IRAG1: variants seen among roughly 807,000 people sequenced by gnomAD.
IRAG1 encodes IP3R-associated cGMP kinase substrate.
Under a neutral mutation model 106.2 loss-of-function variants are expected in IRAG1, and 62 were observed. That is an observed-to-expected ratio of 0.58 (90% CI 0.48 to 0.72). The LOEUF (loss-of-function observed/expected upper bound fraction) is 0.72, where lower values mean the gene tolerates loss of function less well. IRAG1 is among the 30% of genes least tolerant of loss of function. The pLI is 0.00. For missense variants in IRAG1, 1,064 were observed against 1,140.7 expected (o/e 0.93, Z 0.97); for synonymous variants, 462 against 443.9 (o/e 1.04, Z -0.51).
chr11:10,582,901 G>T (rs559465413), intron 18 of IRAG1, among the ~76,000 whole-genome samples: 1 of 152,348 alleles, frequency 6.6e-6, no homozygotes, highest in East Asian at 1.9e-4. Context: ...GTTGCAGTGA[G>T]CTGAGATCGC....
At chr11:10,608,571 T>C (rs1284356643) in intron 11 of IRAG1, among the ~76,000 whole-genome samples, 1 of 152,172 alleles carries the variant, frequency 6.6e-6, no homozygotes, top group African/African-American at 2.4e-5. Flanking sequence ...TGGGCATAGG[T>C]ACCCGGGGGC....
chr11:10,661,167 T>C (rs747506278), intron 1 of IRAG1, among the ~76,000 whole-genome samples: 7 of 152,204 alleles, frequency 4.6e-5, no homozygotes, highest in African/African-American at 7.2e-5. Flanking sequence ...GTACACCTTA[T>C]GCCCCAACCA....
At chr11:10,594,321 G>T in intron 15 of IRAG1, 126 bp from the exon 16 acceptor site, 1 of 799,184 alleles carries the variant, frequency 1.3e-6, no homozygotes, top group Middle Eastern at 2.5e-4. Flanking sequence ...CCAAGGGTCT[G>T]GGTGTTGGGG....
At chr11:10,690,922 C>T (rs1249221923) in intron 1 of IRAG1, among the ~76,000 whole-genome samples, 1 of 152,212 alleles carries the variant, frequency 6.6e-6, no homozygotes, top group Non-Finnish European at 1.5e-5. Context: ...CCCCAAGGGG[C>T]AGGGGCAGGG....
intron 18 of IRAG1, among the ~76,000 whole-genome samples, chr11:10,582,766 G>A (rs1436717897): frequency 2.6e-5 from 4 of 152,158 alleles, no homozygotes; most frequent in African/African-American, 9.7e-5. Context: ...GACCAGCCTG[G>A]CCAACATGGT....
At chr11:10,681,313 C>T (rs780484069) in intron 1 of IRAG1, among the ~76,000 whole-genome samples, 22 of 152,306 alleles carry the variant, frequency 1.4e-4, no homozygotes, top group African/African-American at 2.4e-4. Flanking sequence ...AAATGTCTAA[C>T]GCATGAGTCA....
intron 1 of IRAG1, among the ~76,000 whole-genome samples, chr11:10,683,788 C>T (rs887575181): frequency 2.0e-5 from 3 of 151,766 alleles, no homozygotes; most frequent in Non-Finnish European, 4.4e-5. Flanking sequence ...TCACTAGCTT[C>T]TGGTAATACG....
At chr11:10,627,486 G>A (rs540524943) in intron 8 of IRAG1, among the ~76,000 whole-genome samples, 42 of 152,250 alleles carry the variant, frequency 2.8e-4, no homozygotes, top group African/African-American at 9.6e-4. Context: ...TCAGCGCTGT[G>A]AGTATTGCCT....
intron 2 of IRAG1, among the ~76,000 whole-genome samples, chr11:10,639,644 C>T (rs900346077): frequency 1.3e-5 from 2 of 152,190 alleles, no homozygotes; most frequent in Non-Finnish European, 2.9e-5. Flanking sequence ...TCTGATGACT[C>T]TTCCCCTGCT....
At chr11:10,623,264 G>C (rs1321527816) in intron 10 of IRAG1, among the ~76,000 whole-genome samples, 2 of 152,198 alleles carry the variant, frequency 1.3e-5, no homozygotes, top group Non-Finnish European at 2.9e-5. Flanking sequence ...GGTGAGTGCA[G>C]AGAGGGAGGC....
rs1192242208 is a variant in IRAG1 at position 10,627,726 on chromosome 11, G to A, written c.740C>T (p.Pro247Leu). The A allele has an allele frequency of 6.2e-7, 1 of 1,613,904 alleles. No individual in the cohort carries two copies. The highest frequency in any genetic ancestry group is 2.2e-5 in the East Asian group (1 of 44,884). The change falls in exon 8 of 21, where the codon CCT (proline) becomes CTT (leucine). Residue 247 changes from proline to leucine, a missense_variant. By Grantham distance (98) the Pro-to-Leu change is moderately conservative (BLOSUM62 -3). Coordinates refer to ENST00000423302, the MANE Select transcript of IRAG1 (RefSeq NM_130385.4). Reference protein sequence around the residue: ...GDEADVSSPHPGEPNVPKGLA... With the variant: ...GDEADVSSPHLGEPNVPKGLA... ...AAAGCTCAAACTCACAGGCTCGCCA[G>A]GGTGAGGTGAAGAGACGTCGGCCTC...
chr11:10,646,399 C>A (rs1330004811), intron 2 of IRAG1, among the ~76,000 whole-genome samples: 1 of 152,210 alleles, frequency 6.6e-6, no homozygotes, highest in Admixed American at 6.5e-5. Flanking sequence ...TCCATTTCTT[C>A]TGCCCTTTAG....
At chr11:10,691,495 T>C (rs1862055306) in intron 1 of IRAG1, among the ~76,000 whole-genome samples, 1 of 152,120 alleles carries the variant, frequency 6.6e-6, no homozygotes, top group Admixed American at 6.5e-5. Flanking sequence ...CCCACAGAAC[T>C]CCTCATCCCC....
At chr11:10,636,789 C>A (rs982590107) in intron 2 of IRAG1, among the ~76,000 whole-genome samples, 1 of 152,146 alleles carries the variant, frequency 6.6e-6, no homozygotes, top group African/African-American at 2.4e-5. Context: ...GACATTTGAG[C>A]TAGGTCTTGA....
At chr11:10,680,372 G>GAAAGAAAGAAA (rs1564942533) in intron 1 of IRAG1, among the ~76,000 whole-genome samples, 44 of 41,228 alleles carry the variant, frequency 1.1e-3, no homozygotes, top group African/African-American at 3.2e-3. Flanking sequence ...AAAGAAAGAA[G>GAAAGAAAGAAA]GAAGGAAGGA....
intron 1 of IRAG1, among the ~76,000 whole-genome samples, chr11:10,655,813 G>A (rs1328565385): frequency 2.0e-5 from 3 of 152,156 alleles, no homozygotes; most frequent in East Asian, 1.9e-4. Flanking sequence ...GTCAGTCCCT[G>A]TGACAGAAAG....
chr11:10,625,558 C>T (rs1469216525), intron 9 of IRAG1, among the ~76,000 whole-genome samples: 1 of 152,096 alleles, frequency 6.6e-6, no homozygotes, highest in South Asian at 2.1e-4. Flanking sequence ...AAGGAAATCA[C>T]TATTTCACCC....
In IRAG1 at chr11:10,628,151, A is replaced by T. The variant is rs1856402416; in HGVS notation, c.653-126T>A. Reference sequence around the variant, plus strand: ...CTCAGGCCTGGAAGATTTGCTGACTACCTCCCGTGTGCCAGGTTCTCAGGT... The same window carrying T: ...CTCAGGCCTGGAAGATTTGCTGACTTCCTCCCGTGTGCCAGGTTCTCAGGT... On this transcript the variant is annotated intron_variant, in intron 6 of 20. Coordinates refer to ENST00000423302, the MANE Select transcript of IRAG1 (RefSeq NM_130385.4). The surrounding 1 kb of genome is among the most constrained non-coding windows in gnomAD (Gnocchi z 4.1). 1 of 1,029,092 alleles carries T rather than the reference A, an allele frequency of 9.7e-7. No individual in the cohort carries two copies. The highest frequency in any genetic ancestry group is 2.0e-5 in the Admixed American group (1 of 50,356). The allele number at this position is 1,029,092 out of a possible 1,614,324, so 63.7% of individuals were successfully genotyped here. A position where few individuals can be genotyped will look rare whatever the true frequency, so the allele number is the denominator to read the frequency against.
At chr11:10,634,786 T>TGTGTGTGTGTGA (rs1857016442) in intron 2 of IRAG1, among the ~76,000 whole-genome samples, 1 of 148,698 alleles carries the variant, frequency 6.7e-6, no homozygotes, top group African/African-American at 2.5e-5. Flanking sequence ...TGTGTGTGTG[T>TGTGTGTGTGTGA]ATACAGACAC....
Sources: gnomAD v4.1 joint callset for allele counts (sites outside exome capture counted in the v4.1 genomes callset) on GRCh38, gnomAD v4.1.1 for gene constraint, Gnocchi (gnomAD v3.1) non-coding constraint, MANE v1.5 for transcripts, NCBI Gene and HGNC (gene_info 2026-07-23, HGNC 2026-07-21) for gene names.